RNASEH1: variants seen among roughly 807,000 people sequenced by gnomAD.
RNASEH1 encodes ribonuclease H type II.
Under a neutral mutation model 34.6 loss-of-function variants are expected in RNASEH1, and 27 were observed. That is an observed-to-expected ratio of 0.78 (90% CI 0.58 to 1.08). RNASEH1 has a LOEUF of 1.08. Ranked by LOEUF, RNASEH1 falls within the 50% of genes least tolerant of loss-of-function variation. The probability of loss-of-function intolerance (pLI) is 0.00; values close to 1 mark genes in which losing one functional copy is unlikely to be tolerated. For synonymous variants in RNASEH1, 162 were observed against 138.4 expected (o/e 1.17, Z -1.20); for missense variants, 349 against 373.6 (o/e 0.93, Z 0.54).
chr2:3,532,142 C>T, the RNASEH1 span: 8 of 648,572 alleles, frequency 1.2e-5, no homozygotes, highest in African/African-American at 5.3e-5. Flanking sequence ...AGGGAAAGTC[C>T]GTGTGTCTTC....
chr2:3,542,795 T>C lies in RNASEH1; in HGVS notation c.*2990A>G, dbSNP rs377108482. Among the ~76,000 whole-genome samples the C allele has an allele frequency of 1.3e-5, 2 of 152,326 alleles. No homozygotes were observed. The highest frequency in any genetic ancestry group is 2.1e-4 in the South Asian group (1 of 4,826). ...CACAGACATCATATAGAGGAGGCTA[T>C]GTAAAGGCCCCAGGACCCTGAATTT... On this transcript the variant is annotated 3_prime_UTR_variant, in exon 8 of 8. Transcript: ENST00000315212.
chr2:3,550,147 A>AG (rs1290613848), intron 4 of RNASEH1: 1 of 388,036 alleles, frequency 2.6e-6, no homozygotes, highest in African/African-American at 2.1e-5. Flanking sequence ...TGTCTTAAAA[A>AG]AAAAAAAAAA....
Position 3,542,783 on chromosome 2 carries a change from T to C in RNASEH1, c.*3002A>G, listed in dbSNP as rs954432819. Among the ~76,000 whole-genome samples, 5 of 152,176 alleles carry C rather than the reference T, an allele frequency of 3.3e-5. No homozygotes were observed. The highest frequency in any genetic ancestry group is 4.8e-5 in the African/African-American group (2 of 41,438). ...GAGTGCAGGAGACACAGACATCATA[T>C]AGAGGAGGCTATGTAAAGGCCCCAG... On this transcript the variant is annotated 3_prime_UTR_variant, in exon 8 of 8. Coordinates refer to ENST00000315212, the MANE Select transcript of RNASEH1 (RefSeq NM_002936.6).
At chr2:3,555,547 C>G (rs1055711631) in intron 2 of RNASEH1, among the ~76,000 whole-genome samples, 1 of 152,192 alleles carries the variant, frequency 6.6e-6, no homozygotes, top group Non-Finnish European at 1.5e-5. Context: ...CTGAATTGTG[C>G]TTTGTCCAGG....
intron 7 of RNASEH1, among the ~76,000 whole-genome samples, chr2:3,547,062 G>T (rs1334315996): frequency 1.3e-5 from 2 of 152,210 alleles, no homozygotes; most frequent in African/African-American, 4.8e-5. Flanking sequence ...GGCAGAGGTT[G>T]CAATGAGATC....
rs780384330 is a variant in RNASEH1, at chr2:3,552,157, C to T, written c.396G>A (p.Thr132=). ...AGGAAGATGTACCCATGTAGGAAAA[C>T]GTGTCTCTGCTAACTGGAGGCGCCG... ...VEPAPPVSRD[T]FSYMGDFVVV... The change falls in exon 3 of 8, where the codon ACG becomes ACA. Residue 132 remains threonine, a synonymous_variant. Transcript: ENST00000315212. The T allele has an allele frequency of 5.0e-6, 8 of 1,608,558 alleles. No homozygotes were observed. The highest frequency in any genetic ancestry group is 5.9e-6 in the Non-Finnish European group (7 of 1,178,870).
At chr2:3,541,325 T>C (rs889930872), downstream of RNASEH1, among the ~76,000 whole-genome samples, 2 of 142,116 alleles carry the variant, frequency 1.4e-5, no homozygotes, top group Admixed American at 1.4e-4. Flanking sequence ...TGAGGCTCCA[T>C]CTCCAAAAAA....
downstream of RNASEH1, among the ~76,000 whole-genome samples, chr2:3,541,363 G>C (rs1668293000): frequency 6.6e-6 from 1 of 151,682 alleles, no homozygotes; most frequent in Admixed American, 6.6e-5. Flanking sequence ...GCACACACCT[G>C]CCATATGACC....
the RNASEH1 span, among the ~76,000 whole-genome samples, chr2:3,534,650 C>T: frequency 1.3e-5 from 2 of 152,238 alleles, no homozygotes; most frequent in East Asian, 1.9e-4. Flanking sequence ...GGATCTGGGC[C>T]GGGGTGCAAG....
intron 3 of RNASEH1, among the ~76,000 whole-genome samples, chr2:3,551,793 C>T (rs570526457): frequency 6.6e-5 from 10 of 152,244 alleles, no homozygotes; most frequent in Non-Finnish European, 8.8e-5. Flanking sequence ...GGTTAAAATG[C>T]TGGTGCTAAT....
At chr2:3,532,129 T>C in the RNASEH1 span, 148 of 632,796 alleles carry the variant, frequency 2.3e-4, 1 homozygote, top group South Asian at 1.5e-3. Context: ...TTTTGGGGAA[T>C]GGAGGGAAAG....
chr2:3,533,449 G>A, the RNASEH1 span: 1 of 152,300 alleles, frequency 6.6e-6, no homozygotes, highest in Non-Finnish European at 1.5e-5. Context: ...AGTGGGGAAG[G>A]GGCCTCACTG....
rs1668390542 is a variant in RNASEH1, at chr2:3,542,556, A to T, written c.*3229T>A. 6.6e-6 allele frequency among the ~76,000 whole-genome samples: 1 copy of T among 152,232 alleles called. No individual in the cohort carries two copies. The highest frequency in any genetic ancestry group is 1.5e-5 in the Non-Finnish European group (1 of 68,034). The stretch of plus-strand genomic sequence containing the variant: ...GACTATAGACTGGTTATGAGACCTG[A>T]ACACACAGAAATGAGTCAATGGTGG... On this transcript the variant is annotated 3_prime_UTR_variant, in exon 8 of 8. Coordinates refer to ENST00000315212, the MANE Select transcript of RNASEH1 (RefSeq NM_002936.6).
chr2:3,553,106 G>C (rs748694564), intron 2 of RNASEH1, among the ~76,000 whole-genome samples: 5 of 151,946 alleles, frequency 3.3e-5, no homozygotes, highest in African/African-American at 4.8e-5. Context: ...AAATTAGCCA[G>C]GCGTGATGGC....
chr2:3,549,495 C>T (rs1405928101), intron 4 of RNASEH1, among the ~76,000 whole-genome samples: 1 of 152,114 alleles, frequency 6.6e-6, no homozygotes, highest in African/African-American at 2.4e-5. Flanking sequence ...CCAGAAAAAC[C>T]CTTAGACAAG....
chr2:3,550,059 C>T lies in RNASEH1; in HGVS notation c.509+314G>A, dbSNP rs1353225862. 1.8e-5 allele frequency: 5 copies of T among 273,410 alleles called. No homozygotes were observed. In the Admixed American group the frequency reaches 2.4e-4, roughly 13 times the overall value. 16.9% of individuals were successfully genotyped at this position (273,410 alleles called of 1,614,324 possible). On this transcript the variant is annotated intron_variant, in intron 4 of 7. Coordinates refer to ENST00000315212, the MANE Select transcript of RNASEH1 (RefSeq NM_002936.6). The stretch of plus-strand genomic sequence containing the variant: ...TTGGGAGGCCAAGGTGGGAGGATCG[C>T]TTGAGCCCAGAAGGTGAAGTCTGCA...
rs546488156 is a variant in RNASEH1, at chr2:3,545,671, C to T, written c.*114G>A. ...ACTGTGCCTGATTCCGTGTGAAAGA[C>T]GCATCTGCCCATCACTGCAATGGTC... On this transcript the variant is annotated 3_prime_UTR_variant, in exon 8 of 8. Coordinates refer to ENST00000315212, the MANE Select transcript of RNASEH1 (RefSeq NM_002936.6). The T allele has an allele frequency of 4.6e-5, 33 of 720,582 alleles. No homozygotes were observed. Among genetic ancestry groups the T allele is most frequent in the Middle Eastern group, 2.4e-4 (1 of 4,224 alleles). The allele number at this position is 720,582 out of a possible 1,614,324, so 44.6% of individuals were successfully genotyped here. A position where few individuals can be genotyped will look rare whatever the true frequency, so the allele number is the denominator to read the frequency against.
chr2:3,543,947 C>T lies in RNASEH1; in HGVS notation c.*1838G>A, dbSNP rs749518216. ...CTTGTATATATGTAAAAACCCTTCACCACTCACCTTCCTTGACAGACAACT... is the reference window on the plus strand; with the variant it reads ...CTTGTATATATGTAAAAACCCTTCATCACTCACCTTCCTTGACAGACAACT... On this transcript the variant is annotated 3_prime_UTR_variant, in exon 8 of 8. Transcript: ENST00000315212. 6.6e-6 allele frequency among the ~76,000 whole-genome samples: 1 copy of T among 152,152 alleles called. No individual in the cohort carries two copies. The highest frequency in any genetic ancestry group is 1.5e-5 in the Non-Finnish European group (1 of 68,032).
At chr2:3,555,683 G>A (rs376214132) in intron 2 of RNASEH1, among the ~76,000 whole-genome samples, 3 of 152,092 alleles carry the variant, frequency 2.0e-5, no homozygotes, top group African/African-American at 7.2e-5. Flanking sequence ...ATAGTAAAAA[G>A]TTTGTAAGTA....
Sources: gnomAD v4.1 joint callset for allele counts (sites outside exome capture counted in the v4.1 genomes callset) on GRCh38, gnomAD v4.1.1 for gene constraint, MANE v1.5 for transcripts, NCBI Gene and HGNC (gene_info 2026-07-23, HGNC 2026-07-21) for gene names.